The following OCA2 variants were observed in gnomAD, a reference collection of about 807,000 sequenced individuals.
OCA2 encodes the protein OCA2 melanosomal transmembrane protein, also known as P protein.
In OCA2, 77 loss-of-function variants were observed where a neutral mutation model predicts 100.2. That is an observed-to-expected ratio of 0.77 (90% CI 0.64 to 0.93). The LOEUF is 0.93. Ranked by LOEUF, OCA2 falls within the 40% of genes least tolerant of loss-of-function variation. The pLI, the probability that OCA2 is intolerant of heterozygous loss-of-function variation, is 0.00. For synonymous variants in OCA2, 432 were observed against 439.2 expected (o/e 0.98, Z 0.21); for missense variants, 1,062 against 1,089.1 (o/e 0.98, Z 0.35).
chr15:27,939,409 T>C (rs2039568138), intron 18 of OCA2, among the ~76,000 whole-genome samples: 1 of 152,216 alleles, frequency 6.6e-6, no homozygotes, highest in Non-Finnish European at 1.5e-5. Context: ...ATGTAAAATA[T>C]GAATATTATG....
chr15:27,902,208 T>G (rs2037967879), intron 19 of OCA2, among the ~76,000 whole-genome samples: 1 of 69,714 alleles, frequency 1.4e-5, no homozygotes, highest in African/African-American at 6.4e-5. Flanking sequence ...AAAAAAGTTG[T>G]TGTTGTTGTT....
chr15:28,075,872 G>GA (rs2044412866), intron 2 of OCA2, among the ~76,000 whole-genome samples: 2 of 152,224 alleles, frequency 1.3e-5, no homozygotes, highest in Non-Finnish European at 2.9e-5. Flanking sequence ...TGGTTAACAA[G>GA]TGCTGACGGG....
intron 21 of OCA2, among the ~76,000 whole-genome samples, chr15:27,856,393 A>G (rs1170187413): frequency 2.0e-5 from 3 of 152,156 alleles, no homozygotes; most frequent in African/African-American, 7.2e-5. Context: ...AAGACTGATA[A>G]AAAGGGTTTT....
chr15:27,819,464 CTG>C (rs2034424066), intron 23 of OCA2, among the ~76,000 whole-genome samples: 1 of 152,350 alleles, frequency 6.6e-6, no homozygotes, highest in Non-Finnish European at 1.5e-5. Context: ...GCTCACTATA[CTG>C]TGGACGCTGA....
chr15:27,918,046 C>T (rs750944271), intron 19 of OCA2, among the ~76,000 whole-genome samples: 1 of 150,416 alleles, frequency 6.6e-6, no homozygotes, highest in African/African-American at 2.5e-5. Context: ...TGTTACAGGA[C>T]AAGCAAAGTT....
intron 2 of OCA2, among the ~76,000 whole-genome samples, chr15:28,071,061 A>G (rs1205960391): frequency 7.2e-6 from 1 of 139,396 alleles, no homozygotes; most frequent in Non-Finnish European, 1.5e-5. Context: ...GGAAAACCAG[A>G]GACCTTTGTT....
At chr15:27,796,033 A>G (rs1033836791) in intron 23 of OCA2, among the ~76,000 whole-genome samples, 1 of 151,994 alleles carries the variant, frequency 6.6e-6, no homozygotes, top group Non-Finnish European at 1.5e-5. Context: ...TTTGTTTTTA[A>G]TGCTTGTGCA....
Position 28,081,796 on chromosome 15 carries a change from C to T in OCA2, c.79G>A (p.Gly27Arg), listed in dbSNP as rs61738394. 1.1e-3 allele frequency: 1,700 copies of T among 1,612,778 alleles called. 13 individuals are homozygous for T. The African/African-American group carries it at 0.016, about 15-fold the overall frequency. ...TTGCCGGCCACAAGTTCAGCGAGTC[C>T]GCTGGGCACGGACGTCTGCAGGAGC... ...VELLQTSVPS[G>R]LAELVAGKRR... The change falls in exon 2 of 24, where the codon GGA becomes AGA. Residue 27 changes from glycine (G) to arginine (R), a missense_variant. Gly to Arg is a moderately radical substitution (Grantham distance 125). Coordinates refer to ENST00000354638, the MANE Select transcript of OCA2 (RefSeq NM_000275.3).
chr15:27,785,578 G>A (rs1365036032), intron 23 of OCA2, among the ~76,000 whole-genome samples: 1 of 152,124 alleles, frequency 6.6e-6, no homozygotes, highest in Non-Finnish European at 1.5e-5. Context: ...AAAAAGGTAA[G>A]AAAGAAAAGA....
intron 22 of OCA2, among the ~76,000 whole-genome samples, chr15:27,849,656 C>T (rs2035675362): frequency 6.6e-6 from 1 of 152,096 alleles, no homozygotes; most frequent in Non-Finnish European, 1.5e-5. Context: ...AGAATGCCAG[C>T]CCTGGAGGAT....
intron 19 of OCA2, among the ~76,000 whole-genome samples, chr15:27,923,098 G>A (rs1243332770): frequency 2.6e-5 from 4 of 152,100 alleles, no homozygotes; most frequent in Non-Finnish European, 5.9e-5. Flanking sequence ...GTTTGCTAAA[G>A]GTAATGGCCT....
chr15:27,967,325 A>G (rs2040605447), intron 14 of OCA2, among the ~76,000 whole-genome samples: 1 of 152,152 alleles, frequency 6.6e-6, no homozygotes, highest in South Asian at 2.1e-4. Flanking sequence ...GATTTTGAAA[A>G]TTGTTAACGT....
chr15:27,758,952 A>C (rs1222241605), intron 23 of OCA2, among the ~76,000 whole-genome samples: 1 of 152,204 alleles, frequency 6.6e-6, no homozygotes, highest in East Asian at 1.9e-4. Flanking sequence ...CTAGAGATTT[A>C]AGAAGCTGGG....
intron 15 of OCA2, among the ~76,000 whole-genome samples, chr15:27,958,610 T>G (rs2040309593): frequency 6.6e-6 from 1 of 152,364 alleles, no homozygotes; most frequent in African/African-American, 2.4e-5. Context: ...TTCAGACACC[T>G]TCTGATAGAG....
At chr15:27,887,081 ATCTC>A (rs1362387956) in intron 19 of OCA2, among the ~76,000 whole-genome samples, 1 of 151,994 alleles carries the variant, frequency 6.6e-6, no homozygotes, top group Non-Finnish European at 1.5e-5. Flanking sequence ...CCTGCACAAG[ATCTC>A]TCTCTCTGCC....
chr15:27,885,007 A>G (rs1186340187), intron 19 of OCA2, among the ~76,000 whole-genome samples: 1 of 152,188 alleles, frequency 6.6e-6, no homozygotes, highest in Non-Finnish European at 1.5e-5. Context: ...TTTACAGTGA[A>G]TGAACTTTCT....
At chr15:28,050,749 T>G (rs1409944092) in intron 2 of OCA2, among the ~76,000 whole-genome samples, 1 of 152,038 alleles carries the variant, frequency 6.6e-6, no homozygotes, top group East Asian at 1.9e-4. Flanking sequence ...GGCAGAACTA[T>G]CCTCTCCTGG....
intron 1 of OCA2, among the ~76,000 whole-genome samples, chr15:28,094,035 CT>C (rs1284918750): frequency 6.6e-6 from 1 of 152,174 alleles, no homozygotes; most frequent in Non-Finnish European, 1.5e-5. Context: ...TCATCCAGTT[CT>C]TCCAAACACA....
chr15:28,082,357 CT>C (rs2044668909), intron 1 of OCA2, among the ~76,000 whole-genome samples: 1 of 152,202 alleles, frequency 6.6e-6, no homozygotes, highest in Non-Finnish European at 1.5e-5. Context: ...CACAGTAAAT[CT>C]TGCTGCTGCT....
Sources: gnomAD v4.1 joint callset for allele counts (sites outside exome capture counted in the v4.1 genomes callset) on GRCh38, gnomAD v4.1.1 for gene constraint, MANE v1.5 for transcripts, NCBI Gene and HGNC (gene_info 2026-07-23, HGNC 2026-07-21) for gene names.